The following CSF1 variants were observed in gnomAD, a reference collection of about 807,000 sequenced individuals.
The protein encoded by CSF1 is macrophage colony-stimulating factor 1.
CSF1 carries 9 observed loss-of-function variants against 48.9 expected under a neutral mutation model. The observed-to-expected ratio is 0.18, with a 90% CI of 0.11 to 0.32. The LOEUF (loss-of-function observed/expected upper bound fraction) is 0.32, where lower values mean the gene tolerates loss of function less well. Ranked by LOEUF, CSF1 falls within the 10% of genes least tolerant of loss-of-function variation. The pLI, the probability that CSF1 is intolerant of heterozygous loss-of-function variation, is 1.00. For missense variants in CSF1, 672 were observed against 697.9 expected, an observed-to-expected ratio of 0.96 and a Z score of 0.42; for synonymous variants, 305 against 284.1, an observed-to-expected ratio of 1.07 and a Z score of -0.74.
rs762654931 is a variant in CSF1, at chr1:109,923,448, G to A, written c.827G>A (p.Gly276Asp). 6.2e-7 allele frequency: 1 copy of A among 1,614,110 alleles called. No homozygotes were observed. The highest frequency in any genetic ancestry group is 1.7e-5 in the Admixed American group (1 of 60,020). Residue 276 changes from glycine to aspartate, a missense_variant, in exon 6 of 9, where the codon GGC becomes GAC. This residue lies in a region of CSF1 where 591 missense variants were observed against 593.6 expected (regional missense o/e 1.00). Transcript: ENST00000329608. Reference protein sequence around the residue: ...TPVVKDSTIGGSPQPRPSVGA... With the variant: ...TPVVKDSTIGDSPQPRPSVGA... ...GTTGTCAAGGACAGCACCATCGGTG[G>A]CTCACCACAGCCTCGCCCCTCTGTC... is the stretch of plus-strand genomic sequence containing the variant.
rs535553213 is a variant in CSF1 at position 109,929,828 on chromosome 1, G to C, written c.*990G>C. 2 of 152,922 alleles carry C rather than the reference G, an allele frequency of 1.3e-5. No homozygotes were observed. The highest frequency in any genetic ancestry group is 2.1e-4 in the South Asian group (1 of 4,830). 9.5% of individuals were successfully genotyped at this position (152,922 alleles called of 1,614,324 possible). On this transcript the variant is annotated 3_prime_UTR_variant, in exon 9 of 9. Coordinates refer to ENST00000329608, the MANE Select transcript of CSF1 (RefSeq NM_000757.6). ...GGCCTTTGACTCCCCGGAGTGGAGT[G>C]GGGTGGGAGAACCTCCTGGGCCGCC...
intron 2 of CSF1, among the ~76,000 whole-genome samples, chr1:109,915,409 G>A (rs1654857052): frequency 6.6e-6 from 1 of 152,056 alleles, no homozygotes; most frequent in African/African-American, 2.4e-5. Flanking sequence ...TTCGTGGGGT[G>A]GTAGAAGGAA....
At position 109,914,243 on chromosome 1, in the gene CSF1, A is replaced by G. The variant is rs747220763; in HGVS notation, c.40-16A>G. ...AGAGTGAGACCTGGGGAGAAATGAC[A>G]CCCTCTCTGTCACAGACATGGCTGG... is the stretch of plus-strand genomic sequence containing the variant. On this transcript the variant is annotated splice_polypyrimidine_tract_variant and intron_variant, in intron 1 of 8. Coordinates refer to ENST00000329608, the MANE Select transcript of CSF1 (RefSeq NM_000757.6). 6.3e-7 allele frequency: 1 copy of G among 1,586,070 alleles called. No homozygotes were observed. The highest frequency in any genetic ancestry group is 1.2e-5 in the South Asian group (1 of 85,318).
intron 5 of CSF1, chr1:109,922,311 G>A (rs1177988095): frequency 2.0e-5 from 5 of 255,672 alleles, no homozygotes; most frequent in Non-Finnish European, 2.2e-5. Context: ...TGTAGGTATG[G>A]AAGCTTTCCC....
chr1:109,924,725 C>T (rs1459684712), intron 6 of CSF1, 51 bp from the exon 7 acceptor site: 1 of 1,510,250 alleles, frequency 6.6e-7, no homozygotes, highest in Non-Finnish European at 9.0e-7. Flanking sequence ...TGGGCCACCG[C>T]CCCCCCACAC....
intron 4 of CSF1, among the ~76,000 whole-genome samples, chr1:109,921,629 A>G (rs988833383): frequency 2.6e-5 from 4 of 152,234 alleles, no homozygotes; most frequent in Non-Finnish European, 5.9e-5. Context: ...TAATTACCAT[A>G]TGCCTGGCAC....
In CSF1 at chr1:109,923,995, A is replaced by G; in HGVS notation, c.1374A>G (p.Gly458=). ...GGAGCCCCGCAGAGCCAGAAGGAGG[A>G]CCAGCAAGTGAAGGGGCAGCCAGGC... is the stretch of plus-strand genomic sequence containing the variant. ...DRRSPAEPEG[G]PASEGAARPL... The change falls in exon 6 of 9, where the codon GGA becomes GGG. Residue 458 remains glycine (G), a synonymous_variant. Coordinates refer to ENST00000329608, the MANE Select transcript of CSF1 (RefSeq NM_000757.6). The G allele has an allele frequency of 6.2e-7, 1 of 1,614,198 alleles. No individual in the cohort carries two copies. The highest frequency in any genetic ancestry group is 8.5e-7 in the Non-Finnish European group (1 of 1,180,032).
chr1:109,922,074 G>A (rs911330149), intron 5 of CSF1, 80 bp downstream of exon 5: 2 of 1,483,514 alleles, frequency 1.3e-6, no homozygotes, highest in African/African-American at 2.8e-5. Context: ...GTGAAGCTGG[G>A]GGGACCCCTG....
At chr1:109,924,350 G>A (rs2101655668) in intron 6 of CSF1, among the ~76,000 whole-genome samples, 160 bp downstream of exon 6, 1 of 152,246 alleles carries the variant, frequency 6.6e-6, no homozygotes, top group Admixed American at 6.5e-5. Flanking sequence ...GGAAATGGAG[G>A]ATTACTTCGA....
At chr1:109,925,573 C>G (rs1423865184) in intron 8 of CSF1, among the ~76,000 whole-genome samples, 1 of 152,126 alleles carries the variant, frequency 6.6e-6, no homozygotes, top group Non-Finnish European at 1.5e-5. Context: ...CCACTGCAAG[C>G]CCTATATTCT....
intron 1 of CSF1, 30 bp from the exon 2 acceptor site, chr1:109,914,229 T>A (rs758685697): frequency 2.5e-6 from 4 of 1,575,288 alleles, no homozygotes; most frequent in Non-Finnish European, 3.5e-6. Flanking sequence ...GAGTGAGACC[T>A]GGGGAGAAAT....
rs556852354 is a variant in CSF1 at position 109,921,404 on chromosome 1, T to G, written c.397-443T>G. On this transcript the variant is annotated intron_variant, in intron 4 of 8. Coordinates refer to ENST00000329608, the MANE Select transcript of CSF1 (RefSeq NM_000757.6). ...GCTCTCTGGGATCCCATCTCTTTCC[T>G]GGTTTCTCTTGCTCATCTTTTAGTT... 8.5e-5 allele frequency among the ~76,000 whole-genome samples: 13 copies of G among 152,376 alleles called. No homozygotes were observed. The South Asian group carries it at 2.7e-3, about 32-fold the overall frequency.
chr1:109,912,577 G>A (rs967153012), intron 1 of CSF1, among the ~76,000 whole-genome samples: 2 of 152,154 alleles, frequency 1.3e-5, no homozygotes, highest in Admixed American at 6.5e-5. Context: ...TGTAGTGGCT[G>A]CACTTTCCCC....
chr1:109,921,484 C>T (rs1435464444), intron 4 of CSF1, among the ~76,000 whole-genome samples: 1 of 152,172 alleles, frequency 6.6e-6, no homozygotes, highest in Non-Finnish European at 1.5e-5. Flanking sequence ...TGTTGCACAC[C>T]ATCGGATGGC....
At chr1:109,912,974 C>T (rs1215887162) in intron 1 of CSF1, among the ~76,000 whole-genome samples, 3 of 152,166 alleles carry the variant, frequency 2.0e-5, no homozygotes, top group Middle Eastern at 3.2e-3. Context: ...TTCCATGGCT[C>T]CCACCCCTCT....
In CSF1 at chr1:109,910,967, C is replaced by G; in HGVS notation, c.-57C>G. The G allele has an allele frequency of 9.4e-7, 1 of 1,062,516 alleles. No individual in the cohort carries two copies. The highest frequency in any genetic ancestry group is 1.2e-6 in the Non-Finnish European group (1 of 868,782). The allele number at this position is 1,062,516 out of a possible 1,614,324, so 65.8% of individuals were successfully genotyped here. ...GGGGCGCCCACTCCGCAGCAGCCAG[C>G]GAGCGAGCGAGCGAGCGAGGGCGGC... On this transcript the variant is annotated 5_prime_UTR_variant, in exon 1 of 9. Coordinates refer to ENST00000329608, the MANE Select transcript of CSF1 (RefSeq NM_000757.6).
intron 4 of CSF1, among the ~76,000 whole-genome samples, chr1:109,919,347 C>T (rs901051395): frequency 1.3e-5 from 2 of 152,162 alleles, no homozygotes; most frequent in African/African-American, 2.4e-5. Context: ...AATTGATCCT[C>T]TGACTTCAGT....
At chr1:109,911,155 T>TG (rs1654665293) in intron 1 of CSF1, 93 bp downstream of exon 1, 2 of 811,102 alleles carry the variant, frequency 2.5e-6, no homozygotes, top group Non-Finnish European at 3.0e-6. Context: ...GCCGACAGCC[T>TG]GGGCGCGCCG....
chr1:109,921,773 G>A (rs1350132150), intron 4 of CSF1, 74 bp from the exon 5 acceptor site: 3 of 1,458,694 alleles, frequency 2.1e-6, no homozygotes, highest in African/African-American at 2.9e-5. Context: ...AAAGGCCAAG[G>A]GAATTTGACA....
Sources: gnomAD v4.1 joint callset for allele counts (sites outside exome capture counted in the v4.1 genomes callset) on GRCh38, gnomAD v4.1.1 for gene constraint, gnomAD v4.1.1 regional missense constraint, MANE v1.5 for transcripts, NCBI Gene and HGNC (gene_info 2026-07-23, HGNC 2026-07-21) for gene names.